Variants in GPC5 observed in about 807,000 individuals in gnomAD.
GPC5 encodes glypican-5.
A neutral mutation model predicts 53.9 loss-of-function variants in GPC5; 47 were observed. The observed-to-expected ratio is 0.87, with a 90% confidence interval of 0.69 to 1.11. GPC5 has a LOEUF of 1.11. Among genes scored for constraint, GPC5 ranks in the 50% most tolerant of loss-of-function variants. The pLI, the probability that GPC5 is intolerant of heterozygous loss-of-function variation, is 0.00. For missense variants in GPC5, 748 were observed against 713.1 expected (o/e 1.05, Z -0.56); for synonymous variants, 286 against 263.3 (o/e 1.09, Z -0.84).
At chr13:91,679,117 G>C (rs754386906) in intron 2 of GPC5, among the ~76,000 whole-genome samples, 2 of 152,064 alleles carry the variant, frequency 1.3e-5, no homozygotes, top group African/African-American at 2.4e-5. Flanking sequence ...GTGGATAAGA[G>C]AGATATTAAG....
intron 7 of GPC5, among the ~76,000 whole-genome samples, chr13:92,298,183 A>G (rs1347941978): frequency 2.6e-5 from 4 of 152,030 alleles, no homozygotes; most frequent in Non-Finnish European, 5.9e-5. Flanking sequence ...CCCCTCGCCC[A>G]CAGCACCCAG....
intron 5 of GPC5, among the ~76,000 whole-genome samples, chr13:91,797,102 AT>A (rs1426666062): frequency 3.9e-5 from 6 of 152,092 alleles, no homozygotes; most frequent in African/African-American, 1.4e-4. Context: ...TTAAAAAAAA[AT>A]GTCATTTTGA....
At chr13:92,596,655 G>C (rs1172521395) in intron 7 of GPC5, among the ~76,000 whole-genome samples, 2 of 152,022 alleles carry the variant, frequency 1.3e-5, no homozygotes, top group African/African-American at 4.8e-5. Context: ...TGTATTGTTA[G>C]TGGAGATGGG....
chr13:91,915,292 G>T (rs553953621), intron 6 of GPC5, among the ~76,000 whole-genome samples: 2 of 152,124 alleles, frequency 1.3e-5, no homozygotes, highest in Non-Finnish European at 2.9e-5. Flanking sequence ...TCAATGGAAG[G>T]CTGCTTTCTG....
intron 7 of GPC5, among the ~76,000 whole-genome samples, chr13:92,606,187 A>G (rs1452520395): frequency 3.3e-5 from 5 of 152,022 alleles, no homozygotes; most frequent in African/African-American, 7.2e-5. Flanking sequence ...TGCTGCACCC[A>G]TTAACTCGTC....
chr13:92,647,729 G>C (rs534348490), intron 7 of GPC5, among the ~76,000 whole-genome samples: 7 of 152,000 alleles, frequency 4.6e-5, no homozygotes, highest in African/African-American at 1.4e-4. Flanking sequence ...TGCCATAAAG[G>C]CCACATGGTA....
intron 2 of GPC5, among the ~76,000 whole-genome samples, chr13:91,563,511 C>A (rs769680178): frequency 6.6e-6 from 1 of 152,094 alleles, no homozygotes; most frequent in Non-Finnish European, 1.5e-5. Context: ...ATCAAGATTG[C>A]ATATTTAATT....
intron 2 of GPC5, among the ~76,000 whole-genome samples, chr13:91,480,420 G>T (rs945183870): frequency 2.0e-5 from 3 of 152,202 alleles, no homozygotes; most frequent in Admixed American, 2.0e-4. Context: ...AGAGCGATGA[G>T]TGGTGAGAGG....
chr13:91,721,893 C>T (rs507975), intron 3 of GPC5, among the ~76,000 whole-genome samples: 149,636 of 152,334 alleles, frequency 0.98, 73,504 homozygotes, highest in East Asian at 1. Context: ...ATGATGCATT[C>T]TTAACTAAAT....
At chr13:92,607,461 A>T (rs1306429315) in intron 7 of GPC5, among the ~76,000 whole-genome samples, 1 of 151,774 alleles carries the variant, frequency 6.6e-6, no homozygotes, top group Non-Finnish European at 1.5e-5. Flanking sequence ...GAGAATGGAA[A>T]ACGACAGAAA....
chr13:92,793,964 A>G (rs966268276), intron 7 of GPC5, among the ~76,000 whole-genome samples: 2 of 152,160 alleles, frequency 1.3e-5, no homozygotes, highest in African/African-American at 4.8e-5. Context: ...TAAAAACAGG[A>G]GCTGGTACCA....
intron 7 of GPC5, among the ~76,000 whole-genome samples, chr13:92,660,455 G>GTA (rs754586235): frequency 1.2e-4 from 18 of 151,162 alleles, no homozygotes; most frequent in Admixed American, 2.0e-4. Context: ...ACACATACAT[G>GTA]TATATATATA....
intron 7 of GPC5, among the ~76,000 whole-genome samples, chr13:92,601,550 A>G: frequency 1.6e-5 from 1 of 62,532 alleles, no homozygotes; most frequent in Non-Finnish European, 3.3e-5. Context: ...GCAAGACTCC[A>G]TCTCAAAAAA....
chr13:92,023,941 T>C (rs1345641709), intron 6 of GPC5, among the ~76,000 whole-genome samples: 1 of 152,086 alleles, frequency 6.6e-6, no homozygotes, highest in Non-Finnish European at 1.5e-5. Context: ...AAAATTAAGT[T>C]GATTTAATTC....
chr13:91,968,564 C>T (rs111234973), intron 6 of GPC5, among the ~76,000 whole-genome samples: 3,595 of 152,086 alleles, frequency 0.024, 144 homozygotes, highest in African/African-American at 0.082. Flanking sequence ...CAGGTTCAAG[C>T]GATTCTTCTG....
chr13:92,842,032 A>G (rs1414320430), intron 7 of GPC5, among the ~76,000 whole-genome samples: 3 of 152,152 alleles, frequency 2.0e-5, no homozygotes, highest in African/African-American at 7.2e-5. Context: ...CTTCCATTCA[A>G]AAGAAGTTTA....
At chr13:92,010,345 T>C (rs2138772830) in intron 6 of GPC5, among the ~76,000 whole-genome samples, 1 of 152,332 alleles carries the variant, frequency 6.6e-6, no homozygotes, top group African/African-American at 2.4e-5. Context: ...TTCTAATATG[T>C]AGGACAGTAA....
Position 91,607,221 on chromosome 13 carries a change from G to A in GPC5, c.326-85966G>A, listed in dbSNP as rs187104426. ...CAAGTGTGAAGAACTGAAAATCACC[G>A]GTGCACCTTGAAATTTTGACAAATG... is the stretch of plus-strand genomic sequence containing the variant. On this transcript the variant is annotated intron_variant, in intron 2 of 7. Transcript: ENST00000377067. Among the ~76,000 whole-genome samples the A allele has an allele frequency of 1.9e-3, 296 of 152,178 alleles. 2 individuals are homozygous for A. The highest frequency in any genetic ancestry group is 3.4e-4 in the Non-Finnish European group (23 of 68,004).
Position 91,425,287 on chromosome 13 carries a change from G to T in GPC5, c.164-23474G>T, listed in dbSNP as rs151013933. Among the ~76,000 whole-genome samples the T allele has an allele frequency of 1.2e-3, 188 of 152,222 alleles. 1 individual carries two copies. Among genetic ancestry groups the T allele is most frequent in the African/African-American group, 4.3e-3 (178 of 41,528 alleles). On this transcript the variant is annotated intron_variant, in intron 1 of 7. Transcript: ENST00000377067. ...TCTTTAGGTTAGCATGGTTTCACAG[G>T]TGGTCTCCTATTTCATAATTTACCT...
Sources: allele counts gnomAD v4.1 joint callset (sites outside exome capture counted in the v4.1 genomes callset), GRCh38; gene constraint gnomAD v4.1.1; transcripts MANE v1.5; gene names NCBI Gene and HGNC (gene_info 2026-07-23, HGNC 2026-07-21).